Variants in GUCD1 observed in about 807,000 individuals in gnomAD.
GUCD1 encodes the protein protein GUCD1.
A neutral mutation model predicts 28.3 loss-of-function variants in GUCD1; 17 were observed. The observed-to-expected ratio is 0.60, with a 90% confidence interval of 0.41 to 0.90. The LOEUF (loss-of-function observed/expected upper bound fraction) is 0.90, where lower values mean the gene tolerates loss of function less well. GUCD1 is among the 40% of genes least tolerant of loss of function. GUCD1 has a pLI of 0.00. For missense variants in GUCD1, 279 were observed against 305.5 expected, an observed-to-expected ratio of 0.91 and a Z score of 0.65; for synonymous variants, 129 against 123.3, an observed-to-expected ratio of 1.05 and a Z score of -0.30.
At chr22:24,550,187 CA>C (rs1018506489) in intron 1 of GUCD1, among the ~76,000 whole-genome samples, 2 of 152,238 alleles carry the variant, frequency 1.3e-5, no homozygotes, top group Non-Finnish European at 2.9e-5. Flanking sequence ...CATCCCTAAA[CA>C]GGGGGACTTT....
chr22:24,542,807 G>A lies in GUCD1; in HGVS notation c.*199C>T, dbSNP rs998256561. The A allele has an allele frequency of 2.4e-5, 13 of 544,314 alleles. No individual in the cohort carries two copies. The Admixed American group carries it at 4.0e-4, about 17-fold the overall frequency. 33.7% of individuals were successfully genotyped at this position (544,314 alleles called of 1,614,324 possible). A position where few individuals can be genotyped will look rare whatever the true frequency, so the allele number is the denominator to read the frequency against. ...CCAGCAGCCAGCAGGTGCTTGGGGT[G>A]AGTGACATGACAACACACGGCACTG... On this transcript the variant is annotated 3_prime_UTR_variant, in exon 6 of 6. Transcript: ENST00000435822.
upstream of GUCD1, chr22:24,555,480 G>A (rs2045034277): frequency 1.7e-6 from 2 of 1,194,378 alleles, no homozygotes; most frequent in East Asian, 5.1e-5. Context: ...CCCTGATCCC[G>A]CCCAGTGCAT....
chr22:24,546,783 C>G, intron 4 of GUCD1, 131 bp downstream of exon 4: 2 of 775,136 alleles, frequency 2.6e-6, no homozygotes, highest in East Asian at 2.5e-5. Flanking sequence ...CCCACAGCCA[C>G]CCGGGTAGCC....
rs1260529156 is a variant in GUCD1, at chr22:24,548,935, C to G, written c.110G>C (p.Cys37Ser). Residue 37 changes from cysteine to serine, a missense_variant, in exon 2 of 6, where the codon TGC (cysteine) becomes TCC (serine). Cys to Ser is a moderately radical substitution (Grantham distance 112). Coordinates refer to ENST00000435822, the MANE Select transcript of GUCD1 (RefSeq NM_001284254.2). Reference sequence around the variant, plus strand: ...CACTCACCGCAGCACCATCCTGGAGCAGGCCAGGCCACAGTCCCAGTGGTA... The same window carrying G: ...CACTCACCGCAGCACCATCCTGGAGGAGGCCAGGCCACAGTCCCAGTGGTA... ...QLYHWDCGLA[C>S]SRMVLRYLGQ... 6.3e-7 allele frequency: 1 copy of G among 1,581,970 alleles called. No homozygotes were observed.
Position 24,544,041 on chromosome 22 carries a change from G to A in GUCD1, c.429C>T (p.Gly143=). The change falls in exon 5 of 6, where the codon GGC becomes GGT. Residue 143 remains glycine (G), a synonymous_variant. Transcript: ENST00000435822. ...VKDIQAHLAQ[G]HVAIVLVNSG... ...AGTTCACCAGCACGATGGCCACATG[G>A]CCCTGAGCCAGGTGCGCCTGGATGT... is the stretch of plus-strand genomic sequence containing the variant. 1.2e-6 allele frequency: 2 copies of A among 1,612,448 alleles called. No individual in the cohort carries two copies. Among genetic ancestry groups the A allele is most frequent in the Non-Finnish European group, 1.7e-6 (2 of 1,178,820 alleles).
upstream of GUCD1, chr22:24,555,716 C>G: frequency 6.4e-7 from 1 of 1,550,702 alleles, no homozygotes. Context: ...CCCGCGTCTC[C>G]GCCTTGCCGT....
intron 1 of GUCD1, 50 bp downstream of exon 1, chr22:24,554,899 G>T: frequency 7.0e-7 from 1 of 1,423,618 alleles, no homozygotes; most frequent in Non-Finnish European, 9.8e-7. Flanking sequence ...GCTAGGGAGG[G>T]GTCCCTTTCG....
rs1368640301 is a variant in GUCD1, at chr22:24,540,821, C to G, written c.*2185G>C. 1 of 156,254 alleles carries G rather than the reference C, an allele frequency of 6.4e-6. No individual in the cohort carries two copies. Among genetic ancestry groups the G allele is most frequent in the Non-Finnish European group, 1.5e-5 (1 of 68,240 alleles). The allele number at this position is 156,254 out of a possible 1,614,324, so 9.7% of individuals were successfully genotyped here. On this transcript the variant is annotated 3_prime_UTR_variant, in exon 6 of 6. Transcript: ENST00000435822. Reference sequence around the variant, plus strand: ...TTGTGGCATGCCCTGAGAAGCCATCCTCTGGGACCAGAGACTGAGTGTTTC... The same window carrying G: ...TTGTGGCATGCCCTGAGAAGCCATCGTCTGGGACCAGAGACTGAGTGTTTC...
rs1025784390 is a variant in GUCD1, at chr22:24,542,859, C to T, written c.*147G>A. On this transcript the variant is annotated 3_prime_UTR_variant, in exon 6 of 6. Coordinates refer to ENST00000435822, the MANE Select transcript of GUCD1 (RefSeq NM_001284254.2). Reference sequence around the variant, plus strand: ...CAGACAAAGCAGCTGTGCCAGTCTCCGAGTTCCTGGGACTCTGCCAGATGG... The same window carrying T: ...CAGACAAAGCAGCTGTGCCAGTCTCTGAGTTCCTGGGACTCTGCCAGATGG... 77 of 649,214 alleles carry T rather than the reference C, an allele frequency of 1.2e-4. No individual in the cohort carries two copies. Among genetic ancestry groups the T allele is most frequent in the Non-Finnish European group, 1.9e-4 (68 of 359,998 alleles). 40.2% of individuals were successfully genotyped at this position (649,214 alleles called of 1,614,324 possible). A position where few individuals can be genotyped will look rare whatever the true frequency, so the allele number is the denominator to read the frequency against.
intron 3 of GUCD1, 35 bp downstream of exon 3, chr22:24,547,873 C>A: frequency 6.2e-7 from 1 of 1,610,982 alleles, no homozygotes; most frequent in Non-Finnish European, 8.5e-7. Flanking sequence ...CTCTGTGTGG[C>A]CCCACATGGG....
chr22:24,547,208 G>A lies in GUCD1; in HGVS notation c.295-203C>T. The A allele has an allele frequency of 7.2e-6, 4 of 559,014 alleles. No individual in the cohort carries two copies. In the South Asian group the frequency reaches 7.8e-5, roughly 11 times the overall value. The allele number at this position is 559,014 out of a possible 1,614,324, so 34.6% of individuals were successfully genotyped here. A position where few individuals can be genotyped will look rare whatever the true frequency, so the allele number is the denominator to read the frequency against. On this transcript the variant is annotated intron_variant, in intron 3 of 5. Transcript: ENST00000435822. The stretch of plus-strand genomic sequence containing the variant: ...AGGAGCAGGGAAGCAGGACCACACA[G>A]AGGCATGAGGATGATGCTTGAGAGA...
At chr22:24,555,571 T>C, upstream of GUCD1, 2 of 1,544,340 alleles carry the variant, frequency 1.3e-6, no homozygotes, top group East Asian at 2.4e-5. Flanking sequence ...TATACCTAAC[T>C]TTATCCGTAC....
chr22:24,555,211 C>T (rs1389251131), upstream of GUCD1: 1 of 1,306,702 alleles, frequency 7.7e-7, no homozygotes, highest in East Asian at 3.1e-5. Context: ...TTAGGCCCCG[C>T]CCCAAACTTT....
Position 24,548,021 on chromosome 22 carries a change from G to A in GUCD1, c.181C>T (p.Gln61Ter). Reference protein sequence around the residue: ...SEFERALQKLQLTRSIWTIDL... With the variant: ...SEFERALQKL The stretch of plus-strand genomic sequence containing the variant: ...ATGGTCCAGATGCTCCTGGTCAGCT[G>A]CAGCTTCTGCAGGGCTCTCTCAAAC... The change falls in exon 3 of 6, where the codon CAG (glutamine) becomes TAG (stop). Residue 61 changes from glutamine (Q) to a stop codon, truncating the protein, a stop_gained. Coordinates refer to ENST00000435822, the MANE Select transcript of GUCD1 (RefSeq NM_001284254.2). LOFTEE classifies it high-confidence loss of function. 4 of 1,614,130 alleles carry A rather than the reference G, an allele frequency of 2.5e-6. No homozygotes were observed. Among genetic ancestry groups the A allele is most frequent in the Non-Finnish European group, 3.4e-6 (4 of 1,179,998 alleles).
upstream of GUCD1, chr22:24,555,469 G>A (rs78953323): frequency 7.7e-6 from 9 of 1,170,514 alleles, no homozygotes; most frequent in Non-Finnish European, 1.1e-5. Context: ...CTAGGTGTAA[G>A]CCCTGATCCC....
chr22:24,555,084 A>G lies in GUCD1; in HGVS notation c.-93T>C, dbSNP rs1002324054. The G allele has an allele frequency of 7.6e-7, 1 of 1,319,476 alleles. No homozygotes were observed. The highest frequency in any genetic ancestry group is 9.7e-7 in the Non-Finnish European group (1 of 1,030,696). The allele number at this position is 1,319,476 out of a possible 1,614,324, so 81.7% of individuals were successfully genotyped here. ...GCGGGAGGGCGGTCGGTGCGTGTCGAGTTCCTTCTCCGCCACCGCCGCCGC... is the reference window on the plus strand; with the variant it reads ...GCGGGAGGGCGGTCGGTGCGTGTCGGGTTCCTTCTCCGCCACCGCCGCCGC... On this transcript the variant is annotated 5_prime_UTR_variant, in exon 1 of 6. Transcript: ENST00000435822.
Position 24,543,036 on chromosome 22 carries a change from C to T in GUCD1, c.690G>A (p.Glu230=), listed in dbSNP as rs755534205. 6.2e-6 allele frequency: 10 copies of T among 1,613,814 alleles called. No individual in the cohort carries two copies. The highest frequency in any genetic ancestry group is 8.5e-6 in the Non-Finnish European group (10 of 1,179,784). ...TGTCCAAGTAGACAAAGAGGATGTC[C>T]TCATCTGTGCCATAGCTGGTTCTGG... ...EEARTSYGTD[E]DILFVYLDS The change falls in exon 6 of 6, where the codon GAG becomes GAA. Residue 230 remains glutamate, a synonymous_variant. Transcript: ENST00000435822.
chr22:24,553,701 A>G (rs966278887), intron 1 of GUCD1, among the ~76,000 whole-genome samples: 1 of 152,188 alleles, frequency 6.6e-6, no homozygotes, highest in African/African-American at 2.4e-5. Flanking sequence ...GTCCAGCTAT[A>G]AAATGTGGCA....
chr22:24,555,140 G>C (rs373177191), upstream of GUCD1: 11 of 1,304,802 alleles, frequency 8.4e-6, no homozygotes, highest in South Asian at 2.3e-5. Context: ...GCGGCGGCTG[G>C]GCCGCCCCAA....
Sources: gnomAD v4.1 joint callset for allele counts (sites outside exome capture counted in the v4.1 genomes callset) on GRCh38, gnomAD v4.1.1 for gene constraint, MANE v1.5 for transcripts, NCBI Gene and HGNC (gene_info 2026-07-23, HGNC 2026-07-21) for gene names.